The following PIK3C2G variants were observed in gnomAD, a reference collection of about 807,000 sequenced individuals.
PIK3C2G encodes the protein phosphatidylinositol-4-phosphate 3-kinase catalytic subunit type 2 gamma, also known as phosphatidylinositol 3-kinase C2 domain-containing subunit gamma.
Under a neutral mutation model 181.1 loss-of-function variants are expected in PIK3C2G, and 168 were observed. The ratio of observed to expected loss-of-function variants is 0.93; its 90% confidence interval spans 0.82 to 1.05. PIK3C2G has a LOEUF of 1.05. Ranked by LOEUF, PIK3C2G falls within the 50% of genes least tolerant of loss-of-function variation. The pLI, the probability that PIK3C2G is intolerant of heterozygous loss-of-function variation, is 0.00. For synonymous variants in PIK3C2G, 573 were observed against 592.2 expected, an observed-to-expected ratio of 0.97 and a Z score of 0.47; for missense variants, 1,869 against 1,732.8, an observed-to-expected ratio of 1.08 and a Z score of -1.40.
At chr12:18,339,020 A>G (rs1938858296) in intron 9 of PIK3C2G, among the ~76,000 whole-genome samples, 1 of 152,066 alleles carries the variant, frequency 6.6e-6, no homozygotes, top group African/African-American at 2.4e-5. Context: ...TTTTTGTGGT[A>G]TCTTTTGCGA....
chr12:18,713,454 G>T, the PIK3C2G span, among the ~76,000 whole-genome samples: 3 of 152,070 alleles, frequency 2.0e-5, no homozygotes, highest in Non-Finnish European at 4.4e-5. Flanking sequence ...TCAGGCTTTG[G>T]GGAATGGGGT....
intron 30 of PIK3C2G, among the ~76,000 whole-genome samples, chr12:18,603,972 AAAAC>A (rs1466568529): frequency 6.6e-6 from 1 of 152,128 alleles, no homozygotes; most frequent in Non-Finnish European, 1.5e-5. Context: ...TTAAAAAGCT[AAAAC>A]AAACAAAAAA....
chr12:18,657,575 A>G, the PIK3C2G span, among the ~76,000 whole-genome samples: 1 of 152,184 alleles, frequency 6.6e-6, no homozygotes, highest in Non-Finnish European at 1.5e-5. Flanking sequence ...CTGTAAAATC[A>G]TTAGCTGAAC....
At chr12:18,493,395 G>C (rs1940744455) in intron 20 of PIK3C2G, 1 of 151,998 alleles carries the variant, frequency 6.6e-6, no homozygotes. Flanking sequence ...TTCTGTGTCA[G>C]AGAGTTCACA....
upstream of PIK3C2G, among the ~76,000 whole-genome samples, chr12:18,243,830 T>C (rs1206492689): frequency 1.3e-5 from 2 of 151,788 alleles, no homozygotes; most frequent in African/African-American, 2.4e-5. Flanking sequence ...TTCTAGAAAA[T>C]ACAACAGAAA....
intron 30 of PIK3C2G, among the ~76,000 whole-genome samples, chr12:18,602,396 A>G (rs1947779493): frequency 6.6e-6 from 1 of 150,506 alleles, no homozygotes; most frequent in African/African-American, 2.4e-5. Flanking sequence ...GGAGAGTCTG[A>G]GCTCAGACAC....
At chr12:18,709,594 C>T in the PIK3C2G span, among the ~76,000 whole-genome samples, 1 of 151,668 alleles carries the variant, frequency 6.6e-6, no homozygotes, top group African/African-American at 2.4e-5. Context: ...TAAATCTGTA[C>T]ACTGTAGCCT....
chr12:18,673,584 T>C, the PIK3C2G span, among the ~76,000 whole-genome samples: 2 of 152,202 alleles, frequency 1.3e-5, no homozygotes, highest in Non-Finnish European at 2.9e-5. Flanking sequence ...TCTATTGTTA[T>C]GTAACAAATT....
At position 18,276,819 on chromosome 12, in the gene PIK3C2G, G is replaced by C. The variant is rs1046803433; in HGVS notation, c.-78-5185G>C. 7.2e-5 allele frequency among the ~76,000 whole-genome samples: 11 copies of C among 152,196 alleles called. No individual in the cohort carries two copies. In the South Asian group the frequency reaches 2.3e-3, roughly 32 times the overall value. ...ATGTGCAAATGAGTAATAGGTGTGT[G>C]AATAAATAAATGTATTTATTAAAGT... On this transcript the variant is annotated intron_variant, in intron 1 of 32. Coordinates refer to ENST00000538779, the MANE Select transcript of PIK3C2G (RefSeq NM_001288772.2).
chr12:18,362,785 C>G lies in PIK3C2G; in HGVS notation c.1647C>G (p.Thr549=), dbSNP rs996883582. 3.3e-6 allele frequency: 5 copies of G among 1,521,326 alleles called. No individual in the cohort carries two copies. Among genetic ancestry groups the G allele is most frequent in the Non-Finnish European group, 4.4e-6 (5 of 1,141,484 alleles). 94.2% of individuals were successfully genotyped at this position (1,521,326 alleles called of 1,614,324 possible). The change falls in exon 12 of 33, where the codon ACC becomes ACG. Residue 549 remains threonine, a synonymous_variant. Transcript: ENST00000538779. The part of the protein sequence containing the change: ...WVHSYKAFSF[T]CWLTYAGKKL... Reference sequence around the variant, plus strand: ...TTAGCTACAAAGCGTTTTCTTTTACCTGTTGGCTTACATATGCTGGAAAGA... The same window carrying G: ...TTAGCTACAAAGCGTTTTCTTTTACGTGTTGGCTTACATATGCTGGAAAGA...
At chr12:18,696,797 C>A in the PIK3C2G span, among the ~76,000 whole-genome samples, 2 of 152,222 alleles carry the variant, frequency 1.3e-5, no homozygotes, top group East Asian at 3.9e-4. Context: ...GACTTCCAAT[C>A]CCTTCACTCC....
the PIK3C2G span, among the ~76,000 whole-genome samples, chr12:18,703,478 C>G: frequency 6.6e-6 from 1 of 152,164 alleles, no homozygotes; most frequent in Admixed American, 6.5e-5. Flanking sequence ...TGGTGCATGA[C>G]CATTGCTTTC....
intron 24 of PIK3C2G, among the ~76,000 whole-genome samples, chr12:18,509,832 C>T (rs184678536): frequency 3.0e-4 from 46 of 152,318 alleles, no homozygotes; most frequent in African/African-American, 1.1e-3. Context: ...TTTATACCAT[C>T]AGATTAAATC....
intron 29 of PIK3C2G, among the ~76,000 whole-genome samples, chr12:18,575,258 T>C (rs2136394563): frequency 1.3e-5 from 2 of 152,274 alleles, no homozygotes; most frequent in Non-Finnish European, 2.9e-5. Flanking sequence ...GAACCTCACC[T>C]TGAAACTGAT....
At chr12:18,726,661 T>A in the PIK3C2G span, among the ~76,000 whole-genome samples, 1 of 152,172 alleles carries the variant, frequency 6.6e-6, no homozygotes, top group African/African-American at 2.4e-5. Context: ...TTTCCAATGC[T>A]CAGTTTGCTA....
chr12:18,471,823 T>A (rs2135980502), intron 18 of PIK3C2G, among the ~76,000 whole-genome samples: 1 of 152,284 alleles, frequency 6.6e-6, no homozygotes, highest in East Asian at 1.9e-4. Flanking sequence ...GGGCTAGAAA[T>A]TTTTATGCTT....
At chr12:18,684,130 C>A in the PIK3C2G span, 1 of 1,611,102 alleles carries the variant, frequency 6.2e-7, no homozygotes. Context: ...GGGACATTAC[C>A]TTTGTTCATG....
chr12:18,542,340 T>G (rs909160967), intron 25 of PIK3C2G, among the ~76,000 whole-genome samples: 1 of 151,896 alleles, frequency 6.6e-6, no homozygotes, highest in African/African-American at 2.4e-5. Flanking sequence ...AGTTTACTAG[T>G]CAGCATTAAA....
intron 16 of PIK3C2G, among the ~76,000 whole-genome samples, chr12:18,402,119 A>C (rs1268554290): frequency 2.0e-5 from 3 of 152,216 alleles, no homozygotes; most frequent in Non-Finnish European, 2.9e-5. Flanking sequence ...AGTAGAAACA[A>C]TCCAAATATC....
Sources: allele counts gnomAD v4.1 joint callset (sites outside exome capture counted in the v4.1 genomes callset), GRCh38; gene constraint gnomAD v4.1.1; transcripts MANE v1.5; gene names NCBI Gene and HGNC (gene_info 2026-07-23, HGNC 2026-07-21).